The following PKIB variants were observed in gnomAD, a reference collection of about 807,000 sequenced individuals.
PKIB encodes PKI-beta.
In PKIB, 2 loss-of-function variants were observed where a neutral mutation model predicts 4.5. The observed-to-expected ratio is 0.44, with a 90% confidence interval of 0.18 to 1.39. The LOEUF (loss-of-function observed/expected upper bound fraction) is 1.39. Ranked by LOEUF, PKIB falls within the 40% of genes most tolerant of loss-of-function variation. The pLI is 0.27. For missense variants in PKIB, 94 were observed against 92.6 expected, an observed-to-expected ratio of 1.02 and a Z score of -0.06; for synonymous variants, 38 against 36.0, an observed-to-expected ratio of 1.06 and a Z score of -0.20.
At chr6:122,614,894 A>G (rs1181063311) in intron 1 of PKIB, among the ~76,000 whole-genome samples, 1 of 152,206 alleles carries the variant, frequency 6.6e-6, no homozygotes, top group Non-Finnish European at 1.5e-5. Context: ...ATGAAAATAA[A>G]TACCTCTACC....
At chr6:122,487,540 T>C (rs1192534375) in intron 2 of PKIB, among the ~76,000 whole-genome samples, 1 of 152,164 alleles carries the variant, frequency 6.6e-6, no homozygotes, top group African/African-American at 2.4e-5. Context: ...TAAAAGAGAC[T>C]CCAGAGAGCT....
chr6:122,576,689 A>AAATAT (rs1345822382), intron 2 of PKIB, among the ~76,000 whole-genome samples: 575 of 34,296 alleles, frequency 0.017, 64 homozygotes, highest in Non-Finnish European at 0.021. Context: ...AAAAAAAAAA[A>AAATAT]ATATATATAT....
chr6:122,644,707 A>G (rs1266490865), intron 2 of PKIB: 1 of 152,196 alleles, frequency 6.6e-6, no homozygotes, highest in Non-Finnish European at 1.5e-5. Context: ...GAGAATTGTT[A>G]TCATTTTAAG....
chr6:122,706,143 G>T (rs1779046886), intron 3 of PKIB, among the ~76,000 whole-genome samples: 1 of 152,050 alleles, frequency 6.6e-6, no homozygotes, highest in African/African-American at 2.4e-5. Context: ...CTTTCTACCT[G>T]TGTGGATTCC....
intron 1 of PKIB, chr6:122,472,055 C>T (rs1041033397): frequency 2.3e-6 from 1 of 440,050 alleles, no homozygotes; most frequent in Non-Finnish European, 4.0e-6. Context: ...TGAGCAAAAC[C>T]CACCTTTACC....
chr6:122,603,582 G>A (rs908412366), intron 3 of PKIB, among the ~76,000 whole-genome samples: 1 of 152,056 alleles, frequency 6.6e-6, no homozygotes, highest in Admixed American at 6.5e-5. Flanking sequence ...GAGTTCAAGC[G>A]ATTCTCCTGC....
At chr6:122,594,434 T>C (rs2114729707) in intron 3 of PKIB, among the ~76,000 whole-genome samples, 1 of 152,278 alleles carries the variant, frequency 6.6e-6, no homozygotes, top group African/African-American at 2.4e-5. Context: ...CTCGATCTCC[T>C]GACCTCATGA....
At chr6:122,478,235 T>C (rs1204697985) in intron 2 of PKIB, 1 of 152,116 alleles carries the variant, frequency 6.6e-6, no homozygotes, top group Non-Finnish European at 1.5e-5. Context: ...CCACAGGCCA[T>C]TTTTTTAATC....
intron 2 of PKIB, among the ~76,000 whole-genome samples, chr6:122,561,993 TG>T (rs1432475897): frequency 1.8e-4 from 22 of 122,496 alleles, no homozygotes; most frequent in Non-Finnish European, 2.5e-4. Flanking sequence ...TGTTTGTTTT[TG>T]TTTTTTTTTG....
At chr6:122,646,068 A>T (rs1776304065) in intron 2 of PKIB, among the ~76,000 whole-genome samples, 1 of 152,142 alleles carries the variant, frequency 6.6e-6, no homozygotes, top group Non-Finnish European at 1.5e-5. Context: ...GAAGCACGCA[A>T]TATGGAGGTG....
intron 2 of PKIB, among the ~76,000 whole-genome samples, chr6:122,574,319 T>C (rs568833965): frequency 9.2e-5 from 14 of 152,302 alleles, no homozygotes; most frequent in African/African-American, 3.4e-4. Context: ...ATCAGTGTTG[T>C]GAAAATATCC....
Position 122,572,195 on chromosome 6 carries a change from AAAG to A in PKIB, c.-247-13722_-247-13720del, listed in dbSNP as rs796876855. On this transcript the variant is annotated intron_variant, in intron 2 of 6. Transcript: ENST00000392491. Reference sequence around the variant, plus strand: ...TTGAAACAATACAATAAAAAAAGACAAAGAAGGACATTATATAATAACAAAATG... The same window carrying A: ...TTGAAACAATACAATAAAAAAAGACAAAGGACATTATATAATAACAAAATG... Among the ~76,000 whole-genome samples, 62 of 152,256 alleles carry A rather than the reference AAAG, an allele frequency of 4.1e-4. 1 individual carries two copies. Among genetic ancestry groups the A allele is most frequent in the African/African-American group, 1.3e-3 (53 of 41,536 alleles).
intron 2 of PKIB, among the ~76,000 whole-genome samples, chr6:122,577,356 C>T (rs887486358): frequency 2.0e-5 from 3 of 151,936 alleles, no homozygotes; most frequent in South Asian, 2.1e-4. Context: ...AATTTATGGC[C>T]CTTGAATTTG....
In PKIB at chr6:122,479,369, A is replaced by C. The variant is rs1316377993; in HGVS notation, c.-248+1430A>C. 17 of 152,312 alleles carry C rather than the reference A, an allele frequency of 1.1e-4. 2 individuals are homozygous for C. In the South Asian group the frequency reaches 3.5e-3, roughly 32 times the overall value. The allele number at this position is 152,312 out of a possible 1,614,324, so 9.4% of individuals were successfully genotyped here. A position where few individuals can be genotyped will look rare whatever the true frequency, so the allele number is the denominator to read the frequency against. Reference sequence around the variant, plus strand: ...TTTATAGAGTTTTGAGGCACTAAGAATCAACAAAGGGGAAAAAAGTTCCTT... The same window carrying C: ...TTTATAGAGTTTTGAGGCACTAAGACTCAACAAAGGGGAAAAAAGTTCCTT... On this transcript the variant is annotated intron_variant, in intron 2 of 6. Transcript: ENST00000392491.
intron 1 of PKIB, among the ~76,000 whole-genome samples, chr6:122,613,592 C>T (rs1485769717): frequency 6.6e-6 from 1 of 152,102 alleles, no homozygotes; most frequent in Non-Finnish European, 1.5e-5. Flanking sequence ...AGTGACATTA[C>T]ATGGAAATAA....
intron 2 of PKIB, among the ~76,000 whole-genome samples, chr6:122,559,806 G>T (rs1253629249): frequency 6.6e-6 from 1 of 152,150 alleles, no homozygotes; most frequent in Non-Finnish European, 1.5e-5. Context: ...GGCAGCTATT[G>T]TAAAAGGGGT....
intron 2 of PKIB, among the ~76,000 whole-genome samples, chr6:122,524,340 TTCTTCC>T (rs1035964807): frequency 9.3e-5 from 14 of 150,246 alleles, no homozygotes; most frequent in East Asian, 5.9e-4. Context: ...CTCCTTCTTC[TTCTTCC>T]TCCTCCTCCT....
intron 2 of PKIB, among the ~76,000 whole-genome samples, chr6:122,653,762 A>G (rs1185072810): frequency 6.6e-6 from 1 of 152,064 alleles, no homozygotes; most frequent in East Asian, 1.9e-4. Context: ...GGAGTTCCAG[A>G]CCAGCCTGGC....
At chr6:122,677,869 TCC>T (rs1464102083) in intron 3 of PKIB, among the ~76,000 whole-genome samples, 4 of 111,636 alleles carry the variant, frequency 3.6e-5, no homozygotes, top group Non-Finnish European at 5.9e-5. Flanking sequence ...CTTCCTTCCT[TCC>T]TTCCTTCCTT....
Sources: gnomAD v4.1 joint callset for allele counts (sites outside exome capture counted in the v4.1 genomes callset) on GRCh38, gnomAD v4.1.1 for gene constraint, MANE v1.5 for transcripts, NCBI Gene and HGNC (gene_info 2026-07-23, HGNC 2026-07-21) for gene names.